The following SCAPER variants were observed in gnomAD, a reference collection of about 807,000 sequenced individuals.
The protein encoded by SCAPER is S phase cyclin A-associated protein in the endoplasmic reticulum.
SCAPER carries 98 observed loss-of-function variants against 182.2 expected under a neutral mutation model. That is an observed-to-expected ratio of 0.54 (90% CI 0.46 to 0.64). SCAPER has a LOEUF of 0.64. Ranked by LOEUF, SCAPER falls within the 30% of genes least tolerant of loss-of-function variation. SCAPER has a pLI of 0.00. For missense variants in SCAPER, 1,432 were observed against 1,690.0 expected, an observed-to-expected ratio of 0.85 and a Z score of 2.68; for synonymous variants, 605 against 564.6, an observed-to-expected ratio of 1.07 and a Z score of -1.01.
At chr15:76,360,382 A>G (rs2041316605) in intron 29 of SCAPER, among the ~76,000 whole-genome samples, 2 of 152,346 alleles carry the variant, frequency 1.3e-5, no homozygotes, top group Admixed American at 6.5e-5. Context: ...TAATGCTCAG[A>G]AAGTTCAAGA....
At chr15:76,664,214 T>C (rs867516141) in intron 21 of SCAPER, among the ~76,000 whole-genome samples, 2 of 152,106 alleles carry the variant, frequency 1.3e-5, no homozygotes, top group East Asian at 3.9e-4. Flanking sequence ...GTTTAGAATA[T>C]ACAAGGGCAG....
chr15:76,611,361 C>T (rs986563820), intron 22 of SCAPER, among the ~76,000 whole-genome samples: 8 of 152,076 alleles, frequency 5.3e-5, no homozygotes, highest in African/African-American at 1.9e-4. Context: ...GACACATACA[C>T]CTTTTCAAGA....
At chr15:76,526,487 T>C (rs886872334) in intron 23 of SCAPER, among the ~76,000 whole-genome samples, 1 of 152,210 alleles carries the variant, frequency 6.6e-6, no homozygotes, top group African/African-American at 2.4e-5. Flanking sequence ...TTATGTCAAA[T>C]AGTGCTAATT....
chr15:76,364,584 GA>G, intron 29 of SCAPER, among the ~76,000 whole-genome samples: 1 of 152,150 alleles, frequency 6.6e-6, no homozygotes. Flanking sequence ...CTTCCTATGG[GA>G]AAAGGCTGTG....
intron 25 of SCAPER, among the ~76,000 whole-genome samples, chr15:76,454,492 TTG>T (rs1293425056): frequency 6.6e-6 from 1 of 152,252 alleles, no homozygotes; most frequent in African/African-American, 2.4e-5. Flanking sequence ...TATCATGATT[TTG>T]TGTTTATCAT....
intron 1 of SCAPER, among the ~76,000 whole-genome samples, chr15:76,895,546 A>T (rs1163466682): frequency 6.6e-6 from 1 of 151,922 alleles, no homozygotes; most frequent in African/African-American, 2.4e-5. Context: ...AAATAAAAGT[A>T]CTCAAGTTAG....
chr15:76,391,864 A>T (rs985998154), intron 27 of SCAPER, among the ~76,000 whole-genome samples: 2 of 152,246 alleles, frequency 1.3e-5, no homozygotes, highest in African/African-American at 4.8e-5. Context: ...AATACCAAGT[A>T]AGTGGCATAA....
rs139817244 is a variant in SCAPER at position 76,755,379 on chromosome 15, C to T, written c.1726-1431G>A. Among the ~76,000 whole-genome samples the T allele has an allele frequency of 4.0e-3, 602 of 152,280 alleles. 3 individuals are homozygous for T. The highest frequency in any genetic ancestry group is 0.014 in the African/African-American group (580 of 41,556). On this transcript the variant is annotated intron_variant, in intron 14 of 31. Transcript: ENST00000563290. ...TTCAACAGAATCGTGTGCTACCTAA[C>T]GCATTTTTATGAACATTCAGATTAT...
intron 2 of SCAPER, among the ~76,000 whole-genome samples, chr15:76,870,592 A>T (rs1207581469): frequency 6.6e-6 from 1 of 152,104 alleles, no homozygotes; most frequent in Non-Finnish European, 1.5e-5. Context: ...AGTAGAAATT[A>T]TAAAACTGAA....
intron 15 of SCAPER, among the ~76,000 whole-genome samples, chr15:76,741,879 C>T (rs2061558362): frequency 6.6e-6 from 1 of 151,992 alleles, no homozygotes; most frequent in Non-Finnish European, 1.5e-5. Flanking sequence ...GCAATTGAGT[C>T]TAGAGCTCAG....
intron 25 of SCAPER, among the ~76,000 whole-genome samples, chr15:76,457,064 C>T (rs1267519554): frequency 1.3e-5 from 2 of 150,756 alleles, no homozygotes; most frequent in Non-Finnish European, 3.0e-5. Context: ...GGGCTTTACA[C>T]ACTTTTTTTT....
intron 25 of SCAPER, among the ~76,000 whole-genome samples, chr15:76,439,761 G>A (rs2047436381): frequency 6.6e-6 from 1 of 152,264 alleles, no homozygotes; most frequent in East Asian, 1.9e-4. Context: ...GCAGGGGAAG[G>A]TTACCTTCCC....
rs1314375583 is a variant in SCAPER at position 76,604,606 on chromosome 15, T to C, written c.2711+17158A>G. Among the ~76,000 whole-genome samples, 2 of 149,094 alleles carry C rather than the reference T, an allele frequency of 1.3e-5. 1 individual carries two copies. The highest frequency in any genetic ancestry group is 3.0e-5 in the Non-Finnish European group (2 of 66,862). ...ATGGGGATGGCATTGAATCTATAAA[T>C]TACCTTGGGCAGTATGGCCATTTTC... On this transcript the variant is annotated intron_variant, in intron 22 of 31. Transcript: ENST00000563290.
In SCAPER at chr15:76,774,988, T is replaced by C. The variant is rs962773380; in HGVS notation, c.902A>G (p.Glu301Gly). 1 of 1,613,878 alleles carries C rather than the reference T, an allele frequency of 6.2e-7. No individual in the cohort carries two copies. Among genetic ancestry groups the C allele is most frequent in the Non-Finnish European group, 8.5e-7 (1 of 1,179,792 alleles). Residue 301 changes from glutamate (E) to glycine (G), a missense_variant, in exon 9 of 32, where the codon GAA becomes GGA. This residue lies in a region of SCAPER where 480 missense variants were observed against 510.2 expected (regional missense o/e 0.94). Transcript: ENST00000563290. Reference sequence around the variant, plus strand: ...TTCATCAGGTAAAAGACATACATTTTCTTTATCACTGTCATCCTTTGATCT... The same window carrying C: ...TTCATCAGGTAAAAGACATACATTTCCTTTATCACTGTCATCCTTTGATCT... Reference protein sequence around the residue: ...ATRSKDDSDKENVCLLPDESI... With the variant: ...ATRSKDDSDKGNVCLLPDESI...
At chr15:76,543,825 T>C (rs1387758539) in intron 23 of SCAPER, among the ~76,000 whole-genome samples, 1 of 152,090 alleles carries the variant, frequency 6.6e-6, no homozygotes, top group African/African-American at 2.4e-5. Context: ...GCAAGCAAAA[T>C]GAAAAACAGA....
chr15:76,769,162 G>A (rs1343976922), intron 10 of SCAPER, among the ~76,000 whole-genome samples: 1 of 152,014 alleles, frequency 6.6e-6, no homozygotes, highest in African/African-American at 2.4e-5. Context: ...CAAACAACCT[G>A]GCCAGGCGTG....
intron 22 of SCAPER, among the ~76,000 whole-genome samples, chr15:76,584,498 C>T (rs2048488921): frequency 6.6e-6 from 1 of 152,010 alleles, no homozygotes; most frequent in African/African-American, 2.4e-5. Context: ...CATTATATAC[C>T]TGTATCAAAA....
intron 27 of SCAPER, among the ~76,000 whole-genome samples, chr15:76,388,811 A>T (rs1046214055): frequency 6.6e-6 from 1 of 151,238 alleles, no homozygotes; most frequent in Admixed American, 6.6e-5. Context: ...ACACAAAAAA[A>T]TTAGCTGGGT....
In SCAPER at chr15:76,575,107, C is replaced by T. The variant is rs150908423; in HGVS notation, c.2712-823G>A. ...TTACTCTTCTTAGACAAACCCCAGC[C>T]GTGGTAATAATGTTTGTTTAGCTCT... On this transcript the variant is annotated intron_variant, in intron 22 of 31. Transcript: ENST00000563290. 9.7e-3 allele frequency among the ~76,000 whole-genome samples: 1,479 copies of T among 152,238 alleles called. 12 individuals are homozygous for T. The highest frequency in any genetic ancestry group is 0.013 in the Non-Finnish European group (896 of 68,028).
Sources: gnomAD v4.1 joint callset for allele counts (sites outside exome capture counted in the v4.1 genomes callset) on GRCh38, gnomAD v4.1.1 for gene constraint, gnomAD v4.1.1 regional missense constraint, MANE v1.5 for transcripts, NCBI Gene and HGNC (gene_info 2026-07-23, HGNC 2026-07-21) for gene names.